Variants in CFAP299 observed in about 807,000 individuals in gnomAD.
The protein encoded by CFAP299 is cilia and flagella associated protein 299.
CFAP299 carries 21 observed loss-of-function variants against 27.0 expected under a neutral mutation model. That is an observed-to-expected ratio of 0.78 (90% CI 0.55 to 1.12). The LOEUF is 1.12. Among genes scored for constraint, CFAP299 ranks in the 50% most tolerant of loss-of-function variants. The pLI is 0.00. For missense variants in CFAP299, 310 were observed against 276.6 expected, an observed-to-expected ratio of 1.12 and a Z score of -0.86; for synonymous variants, 104 against 98.1, an observed-to-expected ratio of 1.06 and a Z score of -0.36.
intron 5 of CFAP299, among the ~76,000 whole-genome samples, chr4:80,959,252 A>C (rs954928968): frequency 1.1e-4 from 16 of 152,144 alleles, no homozygotes; most frequent in African/African-American, 3.9e-4. Context: ...GATATAAGAC[A>C]TAGATAACAC....
Position 80,573,254 on chromosome 4 carries a change from G to T in CFAP299, c.243-9839G>T, listed in dbSNP as rs536009785. 2.0e-5 allele frequency among the ~76,000 whole-genome samples: 3 copies of T among 152,036 alleles called. No homozygotes were observed. In the South Asian group the frequency reaches 6.2e-4, roughly 32 times the overall value. On this transcript the variant is annotated intron_variant, in intron 2 of 5. Transcript: ENST00000358105. ...TGAACACCTTTTTATATGCCTATTT[G>T]TCATTTGTATATCTTCTTTTGAGAC...
intron 3 of CFAP299, among the ~76,000 whole-genome samples, chr4:80,831,527 T>A (rs1730301892): frequency 6.6e-6 from 1 of 152,128 alleles, no homozygotes; most frequent in Non-Finnish European, 1.5e-5. Flanking sequence ...AGGGTAGAAC[T>A]AGCTGCTGGC....
At chr4:80,688,528 G>C (rs372815979) in intron 3 of CFAP299, among the ~76,000 whole-genome samples, 11 of 152,148 alleles carry the variant, frequency 7.2e-5, no homozygotes, top group African/African-American at 1.9e-4. Flanking sequence ...GACATCCACA[G>C]CAAAAACCCA....
chr4:80,931,976 G>T (rs1276988639), intron 4 of CFAP299, among the ~76,000 whole-genome samples: 3 of 152,134 alleles, frequency 2.0e-5, no homozygotes, highest in Admixed American at 6.5e-5. Flanking sequence ...CCTGTGGTTT[G>T]CTCTTAGCAG....
At chr4:80,688,510 A>C (rs1185975890) in intron 3 of CFAP299, among the ~76,000 whole-genome samples, 10 of 152,234 alleles carry the variant, frequency 6.6e-5, no homozygotes, top group Non-Finnish European at 1.3e-4. Context: ...AAACTAACAA[A>C]CAGAAAGGAC....
chr4:80,606,891 G>A (rs1737706689), intron 3 of CFAP299, among the ~76,000 whole-genome samples: 1 of 152,122 alleles, frequency 6.6e-6, no homozygotes. Context: ...GTGATTTCCT[G>A]TAAGATAAAT....
intron 3 of CFAP299, among the ~76,000 whole-genome samples, chr4:80,857,638 G>A (rs556807256): frequency 1.3e-5 from 2 of 152,216 alleles, no homozygotes; most frequent in East Asian, 3.9e-4. Flanking sequence ...TTTGTCAAAG[G>A]CCTTTTCTGC....
At chr4:80,776,731 A>G (rs1726564549) in intron 3 of CFAP299, among the ~76,000 whole-genome samples, 1 of 152,094 alleles carries the variant, frequency 6.6e-6, no homozygotes, top group Non-Finnish European at 1.5e-5. Flanking sequence ...CTGCACATGT[A>G]TCCCGGAACT....
chr4:80,386,500 C>A lies in CFAP299; in HGVS notation c.242+23616C>A. 10 of 1,499,346 alleles carry A rather than the reference C, an allele frequency of 6.7e-6. No individual in the cohort carries two copies. The South Asian group carries it at 1.2e-4, about 18-fold the overall frequency. 92.9% of individuals were successfully genotyped at this position (1,499,346 alleles called of 1,614,324 possible). On this transcript the variant is annotated intron_variant, in intron 2 of 5. Coordinates refer to ENST00000358105, the MANE Select transcript of CFAP299 (RefSeq NM_152770.3). ...CCACGGCGCGGGGCTGCCCTCTTCT[C>A]GCGGGCGGTGGTGGGGGGGGGGGGT...
the CFAP299 span, among the ~76,000 whole-genome samples, chr4:80,324,869 T>A: frequency 9.9e-4 from 150 of 152,250 alleles, 1 homozygote; most frequent in African/African-American, 3.4e-3. Context: ...ATGCCTGTAA[T>A]CCCAGCAATT....
chr4:80,792,824 A>G (rs1727647164), intron 3 of CFAP299, among the ~76,000 whole-genome samples: 1 of 152,080 alleles, frequency 6.6e-6, no homozygotes, highest in South Asian at 2.1e-4. Context: ...TTGGTTATCT[A>G]AAGTTTTGTG....
chr4:80,589,872 G>C (rs901525768), intron 3 of CFAP299, among the ~76,000 whole-genome samples: 1 of 152,146 alleles, frequency 6.6e-6, no homozygotes, highest in Admixed American at 6.5e-5. Context: ...CAACTTTAGA[G>C]AGCAGTTTGA....
intron 2 of CFAP299, among the ~76,000 whole-genome samples, chr4:80,489,112 A>C (rs1008021305): frequency 1.3e-5 from 2 of 150,200 alleles, no homozygotes; most frequent in African/African-American, 2.5e-5. Flanking sequence ...GTCCTCTCTG[A>C]ATTTTTTTTT....
At chr4:80,342,039 A>G in intron 1 of CFAP299, among the ~76,000 whole-genome samples, 1 of 152,246 alleles carries the variant, frequency 6.6e-6, no homozygotes, top group South Asian at 2.1e-4. Context: ...TATCAATAGC[A>G]GAATAGACCA....
At chr4:80,890,180 A>T (rs1184076236) in intron 4 of CFAP299, among the ~76,000 whole-genome samples, 1 of 152,164 alleles carries the variant, frequency 6.6e-6, no homozygotes. Flanking sequence ...GAATGGAAGA[A>T]GTCAAATTAT....
At chr4:80,687,429 A>G (rs1720276544) in intron 3 of CFAP299, among the ~76,000 whole-genome samples, 2 of 152,204 alleles carry the variant, frequency 1.3e-5, no homozygotes, top group Non-Finnish European at 2.9e-5. Flanking sequence ...AGATAAAATT[A>G]CTAGCTAAAA....
At position 80,618,350 on chromosome 4, in the gene CFAP299, G is replaced by A. The variant is rs151092804; in HGVS notation, c.333+35167G>A. Among the ~76,000 whole-genome samples the A allele has an allele frequency of 2.4e-3, 368 of 152,192 alleles. 1 individual carries two copies. Among genetic ancestry groups the A allele is most frequent in the African/African-American group, 8.4e-3 (349 of 41,524 alleles). On this transcript the variant is annotated intron_variant, in intron 3 of 5. Coordinates refer to ENST00000358105, the MANE Select transcript of CFAP299 (RefSeq NM_152770.3). The stretch of plus-strand genomic sequence containing the variant: ...TTTCTCTCATGAGCATGTGAGTAAG[G>A]AGAGTAAACAGTTTTTCTCAAACAA...
intron 2 of CFAP299, among the ~76,000 whole-genome samples, chr4:80,568,432 A>G (rs148319229): frequency 9.7e-4 from 148 of 152,234 alleles, no homozygotes; most frequent in African/African-American, 3.3e-3. Context: ...TTGTAAATTT[A>G]ATCAATTTTC....
At chr4:80,838,583 T>C (rs1730691300) in intron 3 of CFAP299, among the ~76,000 whole-genome samples, 1 of 152,050 alleles carries the variant, frequency 6.6e-6, no homozygotes, top group African/African-American at 2.4e-5. Flanking sequence ...AGTTGTGTGG[T>C]CTTATTTCGG....
Sources: gnomAD v4.1 joint callset for allele counts (sites outside exome capture counted in the v4.1 genomes callset) on GRCh38, gnomAD v4.1.1 for gene constraint, MANE v1.5 for transcripts, NCBI Gene and HGNC (gene_info 2026-07-23, HGNC 2026-07-21) for gene names.